Variants in PATJ observed in about 807,000 individuals in gnomAD.
PATJ encodes inaD-like protein.
In PATJ, 190 loss-of-function variants were observed where a neutral mutation model predicts 224.9. That is an observed-to-expected ratio of 0.84 (90% CI 0.75 to 0.95). The LOEUF (loss-of-function observed/expected upper bound fraction) is 0.95, where lower values mean the gene tolerates loss of function less well. Among genes scored for constraint, PATJ ranks in the 40% least tolerant of loss-of-function variants. PATJ has a pLI of 0.00. For synonymous variants in PATJ, 769 were observed against 820.3 expected (o/e 0.94, Z 1.07); for missense variants, 2,121 against 2,270.3 (o/e 0.93, Z 1.34).
At chr1:61,989,002 A>C (rs543305378) in intron 27 of PATJ, among the ~76,000 whole-genome samples, 3 of 152,208 alleles carry the variant, frequency 2.0e-5, no homozygotes, top group Non-Finnish European at 2.9e-5. Flanking sequence ...CAGCCATGGT[A>C]GTAGGCATGA....
At chr1:61,891,417 A>G (rs4915600) in intron 22 of PATJ, among the ~76,000 whole-genome samples, 149,967 of 152,266 alleles carry the variant, frequency 0.98, 73,891 homozygotes, top group East Asian at 1. Context: ...AGGAGATGGA[A>G]GAAAAGGGAG....
At chr1:61,880,491 A>G (rs1237947622) in intron 21 of PATJ, among the ~76,000 whole-genome samples, 1 of 152,270 alleles carries the variant, frequency 6.6e-6, no homozygotes, top group Non-Finnish European at 1.5e-5. Context: ...GGGAAACAAA[A>G]CAAAATATAG....
At chr1:61,753,226 C>T (rs1004519194) in intron 1 of PATJ, among the ~76,000 whole-genome samples, 2 of 152,070 alleles carry the variant, frequency 1.3e-5, no homozygotes, top group African/African-American at 4.8e-5. Flanking sequence ...TATATTTACA[C>T]TTGCTCATTG....
At chr1:61,748,616 A>G (rs1049387550) in intron 1 of PATJ, among the ~76,000 whole-genome samples, 2 of 151,982 alleles carry the variant, frequency 1.3e-5, no homozygotes. Flanking sequence ...CCTTATACTC[A>G]CTACAGTGGT....
intron 33 of PATJ, among the ~76,000 whole-genome samples, chr1:62,095,623 A>G (rs1661303371): frequency 6.6e-6 from 1 of 151,958 alleles, no homozygotes; most frequent in African/African-American, 2.4e-5. Flanking sequence ...AGTCCTGTCA[A>G]CTCTATTAGA....
chr1:61,756,563 C>CTTTTTTT lies in PATJ; in HGVS notation c.-35-6276_-35-6270dup, dbSNP rs370667808. Among the ~76,000 whole-genome samples, 311 of 65,460 alleles carry CTTTTTTT rather than the reference C, an allele frequency of 4.8e-3. 1 individual carries two copies. Among genetic ancestry groups the CTTTTTTT allele is most frequent in the Non-Finnish European group, 5.5e-3 (205 of 37,010 alleles). 42.9% of individuals were successfully genotyped at this position (65,460 alleles called of 152,430 possible). On this transcript the variant is annotated intron_variant, in intron 1 of 43. Transcript: ENST00000642238. ...CTTATATATTGCTAAAACCAGGACACTTTTTTTTTTTTTTTTTTTTTTTTT... is the reference window on the plus strand; with the variant it reads ...CTTATATATTGCTAAAACCAGGACACTTTTTTTTTTTTTTTTTTTTTTTTTTTTTTTT...
chr1:61,882,885 A>G lies in PATJ; in HGVS notation c.2960-1352A>G, dbSNP rs1219519540. Among the ~76,000 whole-genome samples, 3 of 152,246 alleles carry G rather than the reference A, an allele frequency of 2.0e-5. No individual in the cohort carries two copies. In the East Asian group the frequency reaches 5.8e-4, roughly 29 times the overall value. On this transcript the variant is annotated intron_variant, in intron 21 of 43. Coordinates refer to ENST00000642238, the MANE Select transcript of PATJ (RefSeq NM_001350145.3). ...CTGGCCAATATTCTGCTTTTAAACA[A>G]TAAACCATTATAACACAGCTTAAAT...
intron 27 of PATJ, among the ~76,000 whole-genome samples, chr1:61,967,558 A>G (rs1286827720): frequency 6.6e-6 from 1 of 152,200 alleles, no homozygotes; most frequent in Non-Finnish European, 1.5e-5. Context: ...GATTTATGTT[A>G]AAATATTGAT....
intron 15 of PATJ, among the ~76,000 whole-genome samples, chr1:61,826,055 G>A (rs940286838): frequency 1.3e-5 from 2 of 152,148 alleles, no homozygotes; most frequent in Non-Finnish European, 2.9e-5. Context: ...GCTTGCTGTC[G>A]CCTAGACCTC....
chr1:62,130,087 C>T (rs539966355), intron 41 of PATJ, among the ~76,000 whole-genome samples: 1 of 152,318 alleles, frequency 6.6e-6, no homozygotes, highest in East Asian at 1.9e-4. Context: ...ATAGTCCCAG[C>T]ACTTTGGGAG....
chr1:62,157,778 C>T (rs1669384551), intron 43 of PATJ, among the ~76,000 whole-genome samples: 1 of 136,274 alleles, frequency 7.3e-6, no homozygotes, highest in East Asian at 2.1e-4. Context: ...TTGCAGTTAG[C>T]CAAGATCATG....
intron 31 of PATJ, among the ~76,000 whole-genome samples, chr1:62,064,551 C>T (rs1656076020): frequency 6.6e-6 from 1 of 152,118 alleles, no homozygotes; most frequent in Admixed American, 6.6e-5. Context: ...AGGCTGGTCT[C>T]GAACTCCTGG....
At chr1:61,944,368 G>A (rs1386895136) in intron 27 of PATJ, among the ~76,000 whole-genome samples, 1 of 152,224 alleles carries the variant, frequency 6.6e-6, no homozygotes, top group African/African-American at 2.4e-5. Flanking sequence ...AACCAGTGTA[G>A]AGAAGTCCTT....
chr1:61,819,392 C>T lies in PATJ; in HGVS notation c.1684-3553C>T, dbSNP rs918583360. 3.9e-5 allele frequency among the ~76,000 whole-genome samples: 6 copies of T among 152,068 alleles called. No individual in the cohort carries two copies. The South Asian group carries it at 6.2e-4, about 16-fold the overall frequency. On this transcript the variant is annotated intron_variant, in intron 14 of 43. Coordinates refer to ENST00000642238, the MANE Select transcript of PATJ (RefSeq NM_001350145.3). ...GATTGGTTGTTTATTTATGTATTTG[C>T]TTTGTCTACTTACCTTTTTGCCTAT... is the stretch of plus-strand genomic sequence containing the variant.
chr1:62,098,040 G>T (rs886389102), intron 33 of PATJ, among the ~76,000 whole-genome samples: 2 of 151,960 alleles, frequency 1.3e-5, no homozygotes, highest in African/African-American at 4.8e-5. Context: ...AGGCGGAGGC[G>T]GGCAGATCAC....
chr1:62,067,252 G>C (rs561616531), intron 31 of PATJ, among the ~76,000 whole-genome samples: 1 of 148,954 alleles, frequency 6.7e-6, no homozygotes, highest in Non-Finnish European at 1.5e-5. Context: ...TCAGCCTCAC[G>C]AGTAGCTGGG....
intron 28 of PATJ, among the ~76,000 whole-genome samples, chr1:62,010,850 C>T (rs1646406235): frequency 6.6e-6 from 1 of 152,130 alleles, no homozygotes; most frequent in Non-Finnish European, 1.5e-5. Flanking sequence ...TTAATGTAAC[C>T]ATCTTCATTA....
chr1:62,055,334 G>A (rs1654367033), intron 31 of PATJ, among the ~76,000 whole-genome samples: 1 of 152,192 alleles, frequency 6.6e-6, no homozygotes, highest in Non-Finnish European at 1.5e-5. Flanking sequence ...ATAAACTTGT[G>A]TGCTTATAAT....
At chr1:62,062,392 CTTTTTTTT>C (rs60747316) in intron 31 of PATJ, among the ~76,000 whole-genome samples, 14 of 28,480 alleles carry the variant, frequency 4.9e-4, no homozygotes, top group Admixed American at 2.2e-3. Flanking sequence ...ATGTTGTCTT[CTTTTTTTT>C]TTTTTTTTTT....
Sources: allele counts gnomAD v4.1 joint callset (sites outside exome capture counted in the v4.1 genomes callset), GRCh38; gene constraint gnomAD v4.1.1; transcripts MANE v1.5; gene names NCBI Gene and HGNC (gene_info 2026-07-23, HGNC 2026-07-21).